The following ING2 variants were observed in gnomAD, a reference collection of about 807,000 sequenced individuals.
ING2 encodes the protein inhibitor of growth protein 2.
In ING2, 7 loss-of-function variants were observed where a neutral mutation model predicts 30.6. The observed-to-expected ratio is 0.23, with a 90% CI of 0.13 to 0.43. The LOEUF (loss-of-function observed/expected upper bound fraction) is 0.43, where lower values mean the gene tolerates loss of function less well. Among genes scored for constraint, ING2 ranks in the 20% least tolerant of loss-of-function variants. The pLI is 1.00. For missense variants in ING2, 239 were observed against 334.9 expected, an observed-to-expected ratio of 0.71 and a Z score of 2.24; for synonymous variants, 136 against 121.7, an observed-to-expected ratio of 1.12 and a Z score of -0.78.
In ING2 at chr4:183,510,487, A is replaced by G; in HGVS notation, c.378A>G (p.Gln126=). 2 of 1,614,176 alleles carry G rather than the reference A, an allele frequency of 1.2e-6. No homozygotes were observed. Among genetic ancestry groups the G allele is most frequent in the African/African-American group, 1.3e-5 (1 of 75,058 alleles). ...TGGAGTTACACTCACAGTGTTTCCA[A>G]GATCCTGCTGAAAGTGAACGAGCCT... The part of the protein sequence containing the change: ...RQMELHSQCF[Q]DPAESERASD... Residue 126 remains glutamine, a synonymous_variant, in exon 2 of 2, where the codon CAA becomes CAG. Transcript: ENST00000302327.
Position 183,505,157 on chromosome 4 carries a change from C to G in ING2, c.-39C>G. ...GCCGCGGCCGGTGCATGTGCGGCTG[C>G]TGGATGCGGAGGCGGCGGCGACGGC... is the stretch of plus-strand genomic sequence containing the variant. On this transcript the variant is annotated 5_prime_UTR_variant, in exon 1 of 2. Transcript: ENST00000302327. 1.3e-6 allele frequency: 2 copies of G among 1,572,494 alleles called. No homozygotes were observed. Among genetic ancestry groups the G allele is most frequent in the South Asian group, 2.3e-5 (2 of 87,262 alleles).
intron 1 of ING2, among the ~76,000 whole-genome samples, chr4:183,505,648 C>T (rs978745271): frequency 3.3e-4 from 50 of 152,258 alleles, no homozygotes; most frequent in African/African-American, 1.2e-3. Flanking sequence ...TTTTAAGCAG[C>T]AAGCATTTGT....
chr4:183,509,202 G>A (rs894890901), intron 1 of ING2, among the ~76,000 whole-genome samples: 1 of 152,148 alleles, frequency 6.6e-6, no homozygotes, highest in East Asian at 1.9e-4. Flanking sequence ...CTATATCTCC[G>A]GAGTCATGTC....
At chr4:183,506,197 G>A in intron 1 of ING2, 3 of 1,302,172 alleles carry the variant, frequency 2.3e-6, no homozygotes, top group Non-Finnish European at 3.0e-6. Flanking sequence ...CGTTGGTTCG[G>A]CCCCAGCGGA....
At chr4:183,508,636 G>T (rs555926548) in intron 1 of ING2, among the ~76,000 whole-genome samples, 5 of 152,182 alleles carry the variant, frequency 3.3e-5, no homozygotes, top group African/African-American at 7.2e-5. Flanking sequence ...TTGCTTTTGT[G>T]TGCCTTACTT....
rs11545693 is a variant in ING2 at position 183,505,312 on chromosome 4, C to G, written c.117C>G (p.Pro39=). 331 of 1,556,712 alleles carry G rather than the reference C, an allele frequency of 2.1e-4. 1 individual carries two copies. The African/African-American group carries it at 4.1e-3, about 19-fold the overall frequency. ...QDYLECVESL[P]HDMQRNVSVL... ...ACCTTGAGTGCGTGGAGTCGCTGCC[C>G]CACGACATGCAGAGGAACGTGTCTG... Residue 39 remains proline (P), a synonymous_variant, in exon 1 of 2, where the codon CCC becomes CCG. Transcript: ENST00000302327.
Position 183,505,240 on chromosome 4 carries a change from C to T in ING2, c.45C>T (p.Leu15=). Residue 15 remains leucine, a synonymous_variant, in exon 1 of 2, where the codon CTC becomes CTT. Transcript: ENST00000302327. ...AGCAACTGTACTCGTCGGCCGCGCT[C>T]CTGACCGGGGAGCGGAGCCGGCTGC... ...QQQQLYSSAA[L]LTGERSRLLT... 1 of 1,599,158 alleles carries T rather than the reference C, an allele frequency of 6.3e-7. No individual in the cohort carries two copies. Among genetic ancestry groups the T allele is most frequent in the South Asian group, 1.1e-5 (1 of 88,948 alleles).
At chr4:183,509,200 C>T (rs1370689495) in intron 1 of ING2, among the ~76,000 whole-genome samples, 1 of 152,208 alleles carries the variant, frequency 6.6e-6, no homozygotes, top group Non-Finnish European at 1.5e-5. Flanking sequence ...AGCTATATCT[C>T]CGGAGTCATG....
chr4:183,506,282 G>T (rs569492730), intron 1 of ING2: 5 of 1,304,306 alleles, frequency 3.8e-6, no homozygotes, highest in South Asian at 1.2e-5. Flanking sequence ...TCAGGACGGC[G>T]ATCAGCAGCT....
intron 1 of ING2, 136 bp from the exon 2 acceptor site, chr4:183,510,146 T>C: frequency 3.3e-6 from 2 of 609,600 alleles, no homozygotes; most frequent in East Asian, 2.9e-5. Flanking sequence ...AAATAGTTTT[T>C]AATGTATATG....
chr4:183,506,170 T>G, intron 1 of ING2: 7 of 1,270,582 alleles, frequency 5.5e-6, no homozygotes, highest in Admixed American at 2.4e-5. Context: ...GGGGAGGGAG[T>G]CGGGGCTGTG....
chr4:183,510,932 A>G lies in ING2; in HGVS notation c.823A>G (p.Lys275Glu), dbSNP rs754386534. The G allele has an allele frequency of 2.5e-6, 4 of 1,595,094 alleles. No homozygotes were observed. Reference protein sequence around the residue: ...TMDKSTEKTKKDRRSR With the variant: ...TMDKSTEKTKEDRRSR ...GGACAAAAGTACTGAAAAGACAAAA[A>G]AGGATAGAAGATCGAGGTAGTAAAG... The change falls in exon 2 of 2, where the codon AAG (lysine) becomes GAG (glutamate). Residue 275 changes from lysine to glutamate, a missense_variant. By Grantham distance (56) the Lys-to-Glu change is moderately conservative (BLOSUM62 1). Coordinates refer to ENST00000302327, the MANE Select transcript of ING2 (RefSeq NM_001564.4).
intron 1 of ING2, among the ~76,000 whole-genome samples, chr4:183,507,211 C>T (rs1236534624): frequency 6.6e-6 from 1 of 152,202 alleles, no homozygotes; most frequent in Non-Finnish European, 1.5e-5. Flanking sequence ...AGCGATTCTC[C>T]TGCCTCAGCC....
intron 1 of ING2, among the ~76,000 whole-genome samples, chr4:183,508,530 G>A (rs1035713519): frequency 6.6e-6 from 1 of 152,104 alleles, no homozygotes; most frequent in Non-Finnish European, 1.5e-5. Flanking sequence ...CTGTGTGGTG[G>A]CACTTTGTTA....
rs1373197366 is a variant in ING2 at position 183,511,841 on chromosome 4, T to C, written c.*889T>C. Among the ~76,000 whole-genome samples, 1 of 152,256 alleles carries C rather than the reference T, an allele frequency of 6.6e-6. No homozygotes were observed. Among genetic ancestry groups the C allele is most frequent in the African/African-American group, 2.4e-5 (1 of 41,474 alleles). On this transcript the variant is annotated 3_prime_UTR_variant, in exon 2 of 2. Transcript: ENST00000302327. ...GTGGAAAGGGGCATATAGTAGTCTTTAAATATTGCCTTTATGTCAGAGAGT... is the reference window on the plus strand; with the variant it reads ...GTGGAAAGGGGCATATAGTAGTCTTCAAATATTGCCTTTATGTCAGAGAGT...
chr4:183,505,657 G>C (rs1357255017), intron 1 of ING2, among the ~76,000 whole-genome samples: 5 of 152,146 alleles, frequency 3.3e-5, no homozygotes, highest in Admixed American at 2.0e-4. Flanking sequence ...GCAAGCATTT[G>C]TTCAGGCGCT....
chr4:183,506,087 A>AG, intron 1 of ING2: 2 of 1,180,122 alleles, frequency 1.7e-6, no homozygotes. Context: ...GGGGCGTGGG[A>AG]GGGGCGCGGC....
At position 183,512,041 on chromosome 4, in the gene ING2, T is replaced by A. The variant is rs1734831349; in HGVS notation, c.*1089T>A. On this transcript the variant is annotated 3_prime_UTR_variant, in exon 2 of 2. Transcript: ENST00000302327. Reference sequence around the variant, plus strand: ...AATTAATGTATTTGTAAATTGAATTTTCCAAGATTCTGATATTTGAAGGGT... The same window carrying A: ...AATTAATGTATTTGTAAATTGAATTATCCAAGATTCTGATATTTGAAGGGT... Among the ~76,000 whole-genome samples, 1 of 152,228 alleles carries A rather than the reference T, an allele frequency of 6.6e-6. No individual in the cohort carries two copies. The highest frequency in any genetic ancestry group is 1.5e-5 in the Non-Finnish European group (1 of 68,030).
chr4:183,508,064 A>G (rs539867877), intron 1 of ING2, among the ~76,000 whole-genome samples: 281 of 152,092 alleles, frequency 1.8e-3, no homozygotes, highest in African/African-American at 6.5e-3. Context: ...GGTCAGACAT[A>G]CAGATCTGGC....
Sources: allele counts gnomAD v4.1 joint callset (sites outside exome capture counted in the v4.1 genomes callset), GRCh38; gene constraint gnomAD v4.1.1; transcripts MANE v1.5; gene names NCBI Gene and HGNC (gene_info 2026-07-23, HGNC 2026-07-21).